ZPBP: variants seen among roughly 807,000 people sequenced by gnomAD.
ZPBP encodes the protein zona pellucida-binding protein 1.
Under a neutral mutation model 44.8 loss-of-function variants are expected in ZPBP, and 26 were observed. That is an observed-to-expected ratio of 0.58 (90% CI 0.43 to 0.81). The LOEUF is 0.81. Ranked by LOEUF, ZPBP falls within the 30% of genes least tolerant of loss-of-function variation. ZPBP has a pLI of 0.00. For missense variants in ZPBP, 409 were observed against 434.0 expected, an observed-to-expected ratio of 0.94 and a Z score of 0.51; for synonymous variants, 174 against 153.2, an observed-to-expected ratio of 1.14 and a Z score of -1.00.
chr7:50,041,157 G>T (rs1800076230), intron 4 of ZPBP, among the ~76,000 whole-genome samples: 1 of 152,204 alleles, frequency 6.6e-6, no homozygotes, highest in South Asian at 2.1e-4. Flanking sequence ...AGCAGCCCCA[G>T]GCAGGGAATT....
intron 2 of ZPBP, among the ~76,000 whole-genome samples, chr7:49,881,107 C>T (rs1031544770): frequency 2.6e-5 from 4 of 152,164 alleles, no homozygotes; most frequent in African/African-American, 9.6e-5. Context: ...TCAGTTCTCT[C>T]AGCCTGAGAG....
intron 7 of ZPBP, among the ~76,000 whole-genome samples, chr7:49,957,713 G>T (rs1795672111): frequency 6.6e-6 from 1 of 152,172 alleles, no homozygotes; most frequent in Non-Finnish European, 1.5e-5. Context: ...TAGGGGCAGA[G>T]CCACGGCAGA....
At chr7:49,995,444 C>T (rs1314974611) in intron 6 of ZPBP, among the ~76,000 whole-genome samples, 2 of 152,180 alleles carry the variant, frequency 1.3e-5, no homozygotes, top group Non-Finnish European at 2.9e-5. Flanking sequence ...AGCAATAAAA[C>T]CACGTTTGGT....
chr7:49,875,570 G>C (rs1417160850), intron 2 of ZPBP, among the ~76,000 whole-genome samples: 1 of 152,018 alleles, frequency 6.6e-6, no homozygotes, highest in East Asian at 1.9e-4. Flanking sequence ...AGTGAAAGGT[G>C]GTCAGGGGTG....
rs1004181652 is a variant in ZPBP at position 49,940,588 on chromosome 7, G to A, written c.962-2966C>T. ...AACATTAAATAAGTAACTAGAGACT[G>A]GCTAAAATAACTTTACAAGAGCTAT... is the stretch of plus-strand genomic sequence containing the variant. On this transcript the variant is annotated intron_variant, in intron 7 of 7. Transcript: ENST00000046087. Among the ~76,000 whole-genome samples, 6 of 151,390 alleles carry A rather than the reference G, an allele frequency of 4.0e-5. No homozygotes were observed. In the South Asian group the frequency reaches 1.2e-3, roughly 32 times the overall value.
At chr7:49,968,083 A>C in intron 7 of ZPBP, among the ~76,000 whole-genome samples, 1 of 152,194 alleles carries the variant, frequency 6.6e-6, no homozygotes, top group Middle Eastern at 3.4e-3. Context: ...TTAATTTAGA[A>C]CTAATTTTTT....
Position 50,089,713 on chromosome 7 carries a change from T to C in ZPBP, c.128-4A>G, listed in dbSNP as rs368552475. The C allele has an allele frequency of 6.2e-7, 1 of 1,604,464 alleles. No individual in the cohort carries two copies. The highest frequency in any genetic ancestry group is 2.2e-5 in the East Asian group (1 of 44,714). On this transcript the variant is annotated splice_region_variant and splice_polypyrimidine_tract_variant and intron_variant, in intron 1 of 7. Coordinates refer to ENST00000046087, the MANE Select transcript of ZPBP (RefSeq NM_007009.3). ...GGTAATCGAACCAAGTGTCCAACTA[T>C]CAAAAAAAAAGATCAACAATTTGTC...
chr7:49,962,189 T>C lies in ZPBP; in HGVS notation c.961+21153A>G, dbSNP rs12113782. On this transcript the variant is annotated intron_variant, in intron 7 of 7. Transcript: ENST00000046087. ...CTAATACTAAAATTTTACAAAAATT[T>C]ACAAGAGAAGGGAACTACAGACCAA... Among the ~76,000 whole-genome samples the C allele has an allele frequency of 1.5e-3, 221 of 152,000 alleles. 3 individuals carry two copies. Among genetic ancestry groups the C allele is most frequent in the African/African-American group, 5.1e-3 (211 of 41,536 alleles).
At chr7:50,033,376 T>C (rs1799687465) in intron 4 of ZPBP, among the ~76,000 whole-genome samples, 1 of 152,174 alleles carries the variant, frequency 6.6e-6, no homozygotes, top group African/African-American at 2.4e-5. Flanking sequence ...AAAGGTTAAC[T>C]AGGATCCAAT....
intron 7 of ZPBP, among the ~76,000 whole-genome samples, chr7:49,981,325 ATAT>A (rs375742219): frequency 0.74 from 45,133 of 61,254 alleles, 16,620 homozygotes; most frequent in East Asian, 0.83. Flanking sequence ...TATATAATAT[ATAT>A]TATAATTATA....
intron 1 of ZPBP, among the ~76,000 whole-genome samples, chr7:49,907,493 A>T (rs139658971): frequency 1.3e-5 from 2 of 152,346 alleles, no homozygotes; most frequent in Non-Finnish European, 2.9e-5. Flanking sequence ...GATTTTAATA[A>T]ACAAGAGTCT....
intron 2 of ZPBP, among the ~76,000 whole-genome samples, chr7:49,884,967 T>G (rs1165943241): frequency 2.0e-5 from 3 of 152,080 alleles, no homozygotes; most frequent in African/African-American, 4.8e-5. Context: ...AATAAAAAGA[T>G]GAAAAGTATC....
chr7:50,092,889 A>G, intron 1 of ZPBP, 179 bp downstream of exon 1: 1 of 917,676 alleles, frequency 1.1e-6, no homozygotes, highest in Non-Finnish European at 1.6e-6. Flanking sequence ...TCACTCCTCT[A>G]TGCAAATGCA....
chr7:50,016,576 T>C (rs1177687850), intron 6 of ZPBP, among the ~76,000 whole-genome samples: 1 of 152,036 alleles, frequency 6.6e-6, no homozygotes, highest in Non-Finnish European at 1.5e-5. Flanking sequence ...AAAAATGACA[T>C]AAGAAAGCTC....
At chr7:49,915,989 AAG>A (rs1464820572) in intron 1 of ZPBP, 1 of 152,182 alleles carries the variant, frequency 6.6e-6, no homozygotes, top group Non-Finnish European at 1.5e-5. Context: ...GAATCAGATT[AAG>A]AGAGAACAAT....
At chr7:50,030,498 A>AT (rs1554376208) in intron 5 of ZPBP, among the ~76,000 whole-genome samples, 1,945 of 113,240 alleles carry the variant, frequency 0.017, 36 homozygotes, top group African/African-American at 0.069. Flanking sequence ...AGAAATAATA[A>AT]TTTAAAAAAA....
chr7:49,981,569 AATTATATAAATT>A (rs1333268267), intron 7 of ZPBP, among the ~76,000 whole-genome samples: 1 of 36,962 alleles, frequency 2.7e-5, no homozygotes, highest in Non-Finnish European at 6.3e-5. Context: ...TATATTATAT[AATTATATAAATT>A]ATATATTATA....
intron 1 of ZPBP, chr7:49,913,203 C>T (rs1793548611): frequency 6.6e-6 from 1 of 152,114 alleles, no homozygotes; most frequent in Admixed American, 6.5e-5. Flanking sequence ...TTGAATTAGC[C>T]ACCCTTCACA....
chr7:50,057,930 A>T (rs1801047139), intron 4 of ZPBP, 59 bp downstream of exon 4: 1 of 1,493,808 alleles, frequency 6.7e-7, no homozygotes, highest in Non-Finnish European at 9.2e-7. Flanking sequence ...CTACTTAAAC[A>T]TATTTAAATG....
Sources: gnomAD v4.1 joint callset for allele counts (sites outside exome capture counted in the v4.1 genomes callset) on GRCh38, gnomAD v4.1.1 for gene constraint, MANE v1.5 for transcripts, NCBI Gene and HGNC (gene_info 2026-07-23, HGNC 2026-07-21) for gene names.